The following CNBD1 variants were observed in gnomAD, a reference collection of about 807,000 sequenced individuals.
CNBD1 encodes cyclic nucleotide-binding domain-containing protein 1.
Under a neutral mutation model 54.4 loss-of-function variants are expected in CNBD1, and 71 were observed. That is an observed-to-expected ratio of 1.30 (90% CI 1.08 to 1.59). The LOEUF (loss-of-function observed/expected upper bound fraction) is 1.59, where lower values mean the gene tolerates loss of function less well. Among genes scored for constraint, CNBD1 ranks in the 40% most tolerant of loss-of-function variants. CNBD1 has a pLI of 0.00. For missense variants in CNBD1, 659 were observed against 518.0 expected (o/e 1.27, Z -2.64); for synonymous variants, 182 against 170.7 (o/e 1.07, Z -0.51).
chr8:87,030,313 G>T (rs986012847), intron 4 of CNBD1, among the ~76,000 whole-genome samples: 3 of 152,168 alleles, frequency 2.0e-5, no homozygotes, highest in Admixed American at 6.5e-5. Context: ...AAATTATGAT[G>T]TAATGGTATT....
At chr8:87,365,210 G>A (rs1394216866) in intron 10 of CNBD1, among the ~76,000 whole-genome samples, 2 of 151,984 alleles carry the variant, frequency 1.3e-5, no homozygotes, top group African/African-American at 4.8e-5. Flanking sequence ...CTGATGTGAT[G>A]TGAGATGACA....
chr8:87,304,681 T>C (rs1030585668), intron 8 of CNBD1, among the ~76,000 whole-genome samples: 3 of 152,080 alleles, frequency 2.0e-5, no homozygotes, highest in African/African-American at 7.2e-5. Flanking sequence ...TTTCAATAGA[T>C]GCAGAAAAAG....
rs1807951388 is a variant in CNBD1, at chr8:86,962,321, C to A, written c.431+22567C>A. 2.6e-5 allele frequency among the ~76,000 whole-genome samples: 4 copies of A among 152,108 alleles called. No homozygotes were observed. The South Asian group carries it at 8.3e-4, about 31-fold the overall frequency. ...TAAATATACCTATAGCTTTGATAAC[C>A]ATGGACATCTACTTTTAAATAAGCT... is the stretch of plus-strand genomic sequence containing the variant. On this transcript the variant is annotated intron_variant, in intron 4 of 10. Coordinates refer to ENST00000518476, the MANE Select transcript of CNBD1 (RefSeq NM_173538.3).
chr8:87,171,673 C>G (rs930614391), intron 4 of CNBD1, among the ~76,000 whole-genome samples: 1 of 151,260 alleles, frequency 6.6e-6, no homozygotes, highest in African/African-American at 2.4e-5. Context: ...GAGTCTAGCT[C>G]TGTCTCCCAG....
chr8:87,030,008 T>A (rs572613591), intron 4 of CNBD1, among the ~76,000 whole-genome samples: 2 of 152,334 alleles, frequency 1.3e-5, no homozygotes, highest in Admixed American at 6.5e-5. Context: ...ATATGCTTTT[T>A]AAAAGTGAAT....
chr8:86,885,365 CTAGT>C lies in CNBD1; in HGVS notation c.89-2174_89-2171del, dbSNP rs1466592417. Among the ~76,000 whole-genome samples, 3 of 152,166 alleles carry C rather than the reference CTAGT, an allele frequency of 2.0e-5. No individual in the cohort carries two copies. In the East Asian group the frequency reaches 5.8e-4, roughly 29 times the overall value. ...GGTTTTTTAATTTCTCAATGGGTTC[CTAGT>C]TAAAGATTAATTTTCTAACCCCTTT... On this transcript the variant is annotated intron_variant, in intron 1 of 10. Coordinates refer to ENST00000518476, the MANE Select transcript of CNBD1 (RefSeq NM_173538.3).
At chr8:87,282,667 G>A (rs1808620718) in intron 6 of CNBD1, among the ~76,000 whole-genome samples, 1 of 151,902 alleles carries the variant, frequency 6.6e-6, no homozygotes. Context: ...ATATTAGGGA[G>A]TCTGATGATA....
chr8:87,174,987 G>T (rs1813167550), intron 4 of CNBD1, among the ~76,000 whole-genome samples: 1 of 152,128 alleles, frequency 6.6e-6, no homozygotes, highest in African/African-American at 2.4e-5. Flanking sequence ...GCAACCCTGT[G>T]GCCACTAACA....
chr8:87,142,890 A>C (rs1449296497), intron 4 of CNBD1, among the ~76,000 whole-genome samples: 11 of 37,000 alleles, frequency 3.0e-4, no homozygotes, highest in South Asian at 2.5e-3. Flanking sequence ...CTGTGTATGC[A>C]TTCATTCAAC....
rs778193218 is a variant in CNBD1, at chr8:87,408,089, T to G, written c.214-20457T>G. Among the ~76,000 whole-genome samples the G allele has an allele frequency of 6.6e-5, 10 of 152,078 alleles. No individual in the cohort carries two copies. The South Asian group carries it at 8.3e-4, about 13-fold the overall frequency. On this transcript the variant is annotated intron_variant, in intron 2 of 7. Coordinates refer to the CNBD1 transcript ENST00000521593. ...AACTTTCTGTATTATCTTCTAGATA[T>G]TCTTCTTCGTTGATTATCTTTCCCC...
At chr8:87,370,695 G>T (rs1239818297) in intron 10 of CNBD1, among the ~76,000 whole-genome samples, 1 of 150,360 alleles carries the variant, frequency 6.7e-6, no homozygotes, top group African/African-American at 2.4e-5. Context: ...CACTCTGATG[G>T]TAGTTTCTTT....
chr8:87,273,314 G>T (rs568138997), intron 6 of CNBD1, among the ~76,000 whole-genome samples: 24 of 152,050 alleles, frequency 1.6e-4, no homozygotes, highest in African/African-American at 5.5e-4. Flanking sequence ...ATGGGTGACT[G>T]TTGGAATTTA....
rs1450295232 is a variant in CNBD1, at chr8:87,241,751, A to G, written c.771+4639A>G. ...GTAAAAAAATAGTTTAAGTAATAGG[A>G]TATCAATACCTATTAAAAAAACAAA... is the stretch of plus-strand genomic sequence containing the variant. On this transcript the variant is annotated intron_variant, in intron 6 of 10. Transcript: ENST00000518476. Among the ~76,000 whole-genome samples the G allele has an allele frequency of 2.0e-5, 3 of 152,264 alleles. No individual in the cohort carries two copies. In the East Asian group the frequency reaches 5.8e-4, roughly 29 times the overall value.
intron 8 of CNBD1, among the ~76,000 whole-genome samples, chr8:87,327,460 C>T (rs536472419): frequency 5.5e-4 from 84 of 152,302 alleles, no homozygotes; most frequent in African/African-American, 1.7e-3. Context: ...AGCGAGATTC[C>T]GTGGGCGTAG....
intron 6 of CNBD1, among the ~76,000 whole-genome samples, chr8:87,282,600 A>T (rs975830352): frequency 2.0e-5 from 3 of 151,918 alleles, no homozygotes; most frequent in African/African-American, 4.8e-5. Context: ...AAAATAATTC[A>T]ACTAAAATAA....
At chr8:86,982,197 T>C (rs1254517512) in intron 4 of CNBD1, among the ~76,000 whole-genome samples, 1 of 152,206 alleles carries the variant, frequency 6.6e-6, no homozygotes, top group East Asian at 1.9e-4. Flanking sequence ...TTGCCACTTA[T>C]ATGTCTTTTG....
chr8:87,123,264 A>G (rs1166266573), intron 4 of CNBD1, among the ~76,000 whole-genome samples: 2 of 151,778 alleles, frequency 1.3e-5, no homozygotes, highest in African/African-American at 2.4e-5. Flanking sequence ...CCAGGCATAT[A>G]TATGTTAGGT....
intron 2 of CNBD1, among the ~76,000 whole-genome samples, chr8:87,426,694 G>A (rs1808056735): frequency 1.3e-5 from 2 of 152,132 alleles, no homozygotes; most frequent in Admixed American, 6.5e-5. Flanking sequence ...CAATTTCTGT[G>A]AGGACTACAT....
chr8:87,238,394 G>C (rs1286322797), intron 6 of CNBD1, among the ~76,000 whole-genome samples: 1 of 152,084 alleles, frequency 6.6e-6, no homozygotes, highest in Non-Finnish European at 1.5e-5. Flanking sequence ...TATGGACCCA[G>C]TGAAGCCACT....
Sources: gnomAD v4.1 joint callset for allele counts (sites outside exome capture counted in the v4.1 genomes callset) on GRCh38, gnomAD v4.1.1 for gene constraint, MANE v1.5 for transcripts, NCBI Gene and HGNC (gene_info 2026-07-23, HGNC 2026-07-21) for gene names.